Variants in PAXIP1 observed in about 807,000 individuals in gnomAD.
PAXIP1 encodes PAX-interacting protein 1.
A neutral mutation model predicts 140.6 loss-of-function variants in PAXIP1; 19 were observed. That is an observed-to-expected ratio of 0.14 (90% CI 0.09 to 0.20). The LOEUF is 0.20. Among genes scored for constraint, PAXIP1 ranks in the 10% least tolerant of loss-of-function variants. The pLI is 1.00. For synonymous variants in PAXIP1, 442 were observed against 444.6 expected, an observed-to-expected ratio of 0.99 and a Z score of 0.07; for missense variants, 920 against 1,208.6, an observed-to-expected ratio of 0.76 and a Z score of 3.54.
intron 6 of PAXIP1, among the ~76,000 whole-genome samples, chr7:154,971,495 C>T (rs957595000): frequency 6.6e-6 from 1 of 152,212 alleles, no homozygotes; most frequent in Non-Finnish European, 1.5e-5. Flanking sequence ...GGCCAGCCAT[C>T]GAGATGCCTC....
intron 1 of PAXIP1, 46 bp downstream of exon 1, chr7:155,002,803 G>GACGC: frequency 8.8e-7 from 1 of 1,137,204 alleles, no homozygotes; most frequent in Non-Finnish European, 1.2e-6. Flanking sequence ...GGGACGGACG[G>GACGC]GGACGCGGAC....
intron 6 of PAXIP1, among the ~76,000 whole-genome samples, chr7:154,971,247 T>C (rs975751604): frequency 2.0e-5 from 3 of 152,150 alleles, no homozygotes; most frequent in Admixed American, 2.0e-4. Flanking sequence ...TGGGTCCTCA[T>C]CCACTGCTGA....
chr7:154,991,257 C>T (rs1810317471), intron 3 of PAXIP1, among the ~76,000 whole-genome samples, 188 bp from the exon 4 acceptor site: 1 of 152,122 alleles, frequency 6.6e-6, no homozygotes. Flanking sequence ...GAACTGAGTG[C>T]TTTTCTGTAA....
intron 5 of PAXIP1, among the ~76,000 whole-genome samples, chr7:154,979,539 ATAAAAAT>A (rs1157338743): frequency 6.6e-6 from 1 of 152,096 alleles, no homozygotes; most frequent in Non-Finnish European, 1.5e-5. Context: ...TAAAGGAATG[ATAAAAAT>A]TAAGTCTTTT....
chr7:154,969,489 C>T (rs1156315007), intron 6 of PAXIP1, among the ~76,000 whole-genome samples: 6 of 152,354 alleles, frequency 3.9e-5, no homozygotes, highest in Non-Finnish European at 5.9e-5. Flanking sequence ...CACCGTGCTG[C>T]GGCACCACTC....
intron 4 of PAXIP1, among the ~76,000 whole-genome samples, chr7:154,984,229 G>A (rs769103823): frequency 6.6e-6 from 1 of 151,990 alleles, no homozygotes; most frequent in African/African-American, 2.4e-5. Context: ...AGTTACTGCT[G>A]GGAAAGTCAA....
rs377582692 is a variant in PAXIP1 at position 154,954,459 on chromosome 7, T to C, written c.2653-36A>G. On this transcript the variant is annotated intron_variant, in intron 15 of 20. Coordinates refer to ENST00000404141, the MANE Select transcript of PAXIP1 (RefSeq NM_007349.4). The surrounding 1 kb of genome is among the most constrained non-coding windows in gnomAD (Gnocchi z 5.1). ...CAAACACAGGTCGGAAATGAAAAAGTTCAGCATCCACAGAGCCACACTGAC... is the reference window on the plus strand; with the variant it reads ...CAAACACAGGTCGGAAATGAAAAAGCTCAGCATCCACAGAGCCACACTGAC... 3.0e-5 allele frequency: 43 copies of C among 1,418,950 alleles called. No individual in the cohort carries two copies. The African/African-American group carries it at 5.5e-4, about 18-fold the overall frequency. The allele number at this position is 1,418,950 out of a possible 1,614,324, so 87.9% of individuals were successfully genotyped here.
At chr7:154,981,628 T>C (rs1809847167) in intron 5 of PAXIP1, among the ~76,000 whole-genome samples, 1 of 152,180 alleles carries the variant, frequency 6.6e-6, no homozygotes, top group African/African-American at 2.4e-5. Context: ...GTATTTGCTT[T>C]ATCTAAATGT....
chr7:154,982,348 C>T (rs1454774676), intron 5 of PAXIP1, among the ~76,000 whole-genome samples: 1 of 152,082 alleles, frequency 6.6e-6, no homozygotes, highest in African/African-American at 2.4e-5. Flanking sequence ...GCTGGACAGA[C>T]TGCATTTCTT....
chr7:154,979,646 TTA>T (rs1028583881), intron 5 of PAXIP1, among the ~76,000 whole-genome samples: 3 of 150,436 alleles, frequency 2.0e-5, no homozygotes, highest in African/African-American at 7.3e-5. Context: ...CATAATTATA[TTA>T]TGTTAATTAT....
rs982473394 is a variant in PAXIP1, at chr7:154,986,481, T to TAA, written c.325-3151_325-3150dup. Among the ~76,000 whole-genome samples the TAA allele has an allele frequency of 1.3e-5, 2 of 152,204 alleles. No homozygotes were observed. The highest frequency in any genetic ancestry group is 2.9e-5 in the Non-Finnish European group (2 of 68,034). On this transcript the variant is annotated intron_variant, in intron 4 of 20. Coordinates refer to ENST00000404141, the MANE Select transcript of PAXIP1 (RefSeq NM_007349.4). The surrounding 1 kb of genome is among the most constrained non-coding windows in gnomAD (Gnocchi z 4.8). ...ACTGAGAGAGAAATCGCATCTTAAT[T>TAA]AATTTGTACCCCTCTGCATTGCTCC... is the stretch of plus-strand genomic sequence containing the variant.
intron 1 of PAXIP1, among the ~76,000 whole-genome samples, chr7:155,002,329 A>G (rs143366578): frequency 1.0e-3 from 154 of 152,272 alleles, no homozygotes; most frequent in Middle Eastern, 3.4e-3. Flanking sequence ...CCCGCACAGG[A>G]CGGCAGCTGC....
intron 16 of PAXIP1, chr7:154,950,765 A>C (rs1808237722): frequency 6.6e-6 from 1 of 152,268 alleles, no homozygotes; most frequent in Admixed American, 6.5e-5. Flanking sequence ...GAACAGATAC[A>C]TTCTGACAAT....
chr7:154,965,495 G>C (rs1457537091), intron 8 of PAXIP1: 12 of 149,286 alleles, frequency 8.0e-5, no homozygotes, highest in Non-Finnish European at 1.5e-4. Flanking sequence ...GAACTGTGTG[G>C]GTCCACTGAT....
chr7:154,977,052 G>A (rs1809613671), intron 5 of PAXIP1, among the ~76,000 whole-genome samples: 1 of 152,184 alleles, frequency 6.6e-6, no homozygotes. Context: ...GGTGAGCTTT[G>A]GCTGGGGCAC....
intron 1 of PAXIP1, 67 bp downstream of exon 1, chr7:155,002,782 G>A (rs1810983601): frequency 1.1e-6 from 1 of 899,280 alleles, no homozygotes; most frequent in Non-Finnish European, 1.5e-6. Flanking sequence ...GCGGGGACGG[G>A]GACGGGGACG....
chr7:154,955,743 T>C lies in PAXIP1; in HGVS notation c.2550-112A>G, dbSNP rs890345382. 11 of 559,850 alleles carry C rather than the reference T, an allele frequency of 2.0e-5. No individual in the cohort carries two copies. The African/African-American group carries it at 2.0e-4, about 10-fold the overall frequency. The allele number at this position is 559,850 out of a possible 1,614,324, so 34.7% of individuals were successfully genotyped here. On this transcript the variant is annotated intron_variant, in intron 14 of 20. Transcript: ENST00000404141. ...TTTAACAAGCTTTAACTGCATGTGGTTTTTATTCTTAAAGGAAAAATACAA... is the reference window on the plus strand; with the variant it reads ...TTTAACAAGCTTTAACTGCATGTGGCTTTTATTCTTAAAGGAAAAATACAA...
At chr7:154,993,559 G>A (rs1351161538) in intron 3 of PAXIP1, among the ~76,000 whole-genome samples, 167 bp downstream of exon 3, 18 of 151,996 alleles carry the variant, frequency 1.2e-4, no homozygotes, top group Admixed American at 1.2e-3. Flanking sequence ...ACAAGGATCA[G>A]GTACATAAAA....
intron 6 of PAXIP1, among the ~76,000 whole-genome samples, chr7:154,970,629 C>A (rs935768535): frequency 6.6e-6 from 1 of 152,236 alleles, no homozygotes; most frequent in African/African-American, 2.4e-5. Flanking sequence ...ATTCACCCCA[C>A]AACATGCCAC....
Sources: allele counts gnomAD v4.1 joint callset (sites outside exome capture counted in the v4.1 genomes callset), GRCh38; gene constraint gnomAD v4.1.1; non-coding constraint Gnocchi (gnomAD v3.1); transcripts MANE v1.5; gene names NCBI Gene and HGNC (gene_info 2026-07-23, HGNC 2026-07-21).